Variants in COL23A1 observed in about 807,000 individuals in gnomAD.
The protein encoded by COL23A1 is collagen alpha-1(XXIII) chain.
A neutral mutation model predicts 99.3 loss-of-function variants in COL23A1; 97 were observed. That is an observed-to-expected ratio of 0.98 (90% CI 0.83 to 1.16). The LOEUF is 1.16. Ranked by LOEUF, COL23A1 falls within the 50% of genes most tolerant of loss-of-function variation. The probability of loss-of-function intolerance (pLI) is 0.00; values close to 1 mark genes in which losing one functional copy is unlikely to be tolerated. For synonymous variants in COL23A1, 320 were observed against 308.2 expected (o/e 1.04, Z -0.40); for missense variants, 762 against 757.4 (o/e 1.01, Z -0.07).
At chr5:178,456,764 A>G (rs1767820260) in intron 2 of COL23A1, among the ~76,000 whole-genome samples, 1 of 152,304 alleles carries the variant, frequency 6.6e-6, no homozygotes, top group South Asian at 2.1e-4. Context: ...ATAAAAACTG[A>G]AAGGCAAGTG....
At chr5:178,353,776 G>A (rs572699193) in intron 2 of COL23A1, among the ~76,000 whole-genome samples, 28 of 152,204 alleles carry the variant, frequency 1.8e-4, no homozygotes, top group African/African-American at 6.7e-4. Flanking sequence ...GACCCAGCAG[G>A]TCTACATCTA....
rs530049478 is a variant in COL23A1 at position 178,318,794 on chromosome 5, C to A, written c.362-11875G>T. Among the ~76,000 whole-genome samples, 56 of 151,512 alleles carry A rather than the reference C, an allele frequency of 3.7e-4. 1 individual carries two copies. In the East Asian group the frequency reaches 9.7e-3, roughly 26 times the overall value. ...GCGGGCGCCTGTAACTTCAGCTACT[C>A]GGGAGGCTGAGGCAGGAGAATTGCC... is the stretch of plus-strand genomic sequence containing the variant. On this transcript the variant is annotated intron_variant, in intron 2 of 28. Transcript: ENST00000390654.
At chr5:178,239,619 C>T (rs1764287440) in intron 27 of COL23A1, among the ~76,000 whole-genome samples, 1 of 61,018 alleles carries the variant, frequency 1.6e-5, no homozygotes, top group Admixed American at 1.4e-4. Context: ...CTGGGTCCTG[C>T]CGAGAGCCGT....
intron 2 of COL23A1, among the ~76,000 whole-genome samples, chr5:178,329,428 C>T (rs896089264): frequency 6.6e-6 from 1 of 152,196 alleles, no homozygotes; most frequent in East Asian, 1.9e-4. Context: ...CAGGCTCCCC[C>T]TGCCAGCCAG....
chr5:178,435,651 T>G (rs1280403285), intron 2 of COL23A1, among the ~76,000 whole-genome samples: 2 of 152,156 alleles, frequency 1.3e-5, no homozygotes, highest in African/African-American at 4.8e-5. Context: ...GCAGAATTTC[T>G]GATGAGGAAA....
At chr5:178,477,038 G>A (rs1032774494) in intron 2 of COL23A1, among the ~76,000 whole-genome samples, 10 of 152,138 alleles carry the variant, frequency 6.6e-5, no homozygotes, top group African/African-American at 2.4e-4. Context: ...CCTATAGTAG[G>A]GTTAACAGAA....
intron 1 of COL23A1, among the ~76,000 whole-genome samples, chr5:178,575,177 G>A (rs1313738379): frequency 1.4e-5 from 2 of 140,868 alleles, no homozygotes; most frequent in Non-Finnish European, 3.1e-5. Context: ...AAAGAAAAGT[G>A]TCCTCCTTTA....
intron 2 of COL23A1, among the ~76,000 whole-genome samples, chr5:178,358,146 ATGTG>A (rs765474140): frequency 1.5e-5 from 2 of 133,954 alleles, no homozygotes; most frequent in Non-Finnish European, 3.2e-5. Context: ...ATGTGTGTGT[ATGTG>A]TATGTGTGTA....
intron 3 of COL23A1, among the ~76,000 whole-genome samples, chr5:178,291,078 T>C (rs934443003): frequency 2.0e-5 from 3 of 152,198 alleles, no homozygotes; most frequent in Admixed American, 2.0e-4. Flanking sequence ...CAGCGACTTG[T>C]GTGGGGCCAC....
At chr5:178,277,933 C>G (rs995740582) in intron 5 of COL23A1, among the ~76,000 whole-genome samples, 1 of 152,112 alleles carries the variant, frequency 6.6e-6, no homozygotes, top group Non-Finnish European at 1.5e-5. Flanking sequence ...AGGATGGGAC[C>G]GGCGGGCCGG....
rs1034615934 is a variant in COL23A1, at chr5:178,340,270, C to T, written c.362-33351G>A. Among the ~76,000 whole-genome samples, 1 of 152,132 alleles carries T rather than the reference C, an allele frequency of 6.6e-6. No homozygotes were observed. Among genetic ancestry groups the T allele is most frequent in the Non-Finnish European group, 1.5e-5 (1 of 68,006 alleles). ...GGACACCTTTCTGACCAGCAATAAG[C>T]CTCACCAAAAAATGTGCTCATGTAA... On this transcript the variant is annotated intron_variant, in intron 2 of 28. Transcript: ENST00000390654. This position sits in a 1 kb window ranked among gnomAD's most constrained non-coding sequence, Gnocchi z 4.7.
intron 2 of COL23A1, among the ~76,000 whole-genome samples, chr5:178,447,091 T>C (rs1214597299): frequency 7.0e-6 from 1 of 142,870 alleles, no homozygotes; most frequent in Non-Finnish European, 1.5e-5. Flanking sequence ...ATTCTTTTTT[T>C]ATTATTATTT....
chr5:178,295,646 A>G (rs981732381), intron 3 of COL23A1, among the ~76,000 whole-genome samples: 1 of 152,248 alleles, frequency 6.6e-6, no homozygotes, highest in Non-Finnish European at 1.5e-5. Flanking sequence ...CAGCTATGTT[A>G]ACACATATGT....
In COL23A1 at chr5:178,255,625, G is replaced by A. The variant is rs1403990603; in HGVS notation, c.883-599C>T. On this transcript the variant is annotated intron_variant, in intron 15 of 28. Transcript: ENST00000390654. The surrounding 1 kb of genome is among the most constrained non-coding windows in gnomAD (Gnocchi z 4.2). ...GCTCTTTGCTTGGGGTACAGTGAAG[G>A]CTGGGGAGCACTTTGGTCCAGACCC... Among the ~76,000 whole-genome samples the A allele has an allele frequency of 2.6e-5, 4 of 152,170 alleles. No individual in the cohort carries two copies. The highest frequency in any genetic ancestry group is 1.5e-5 in the Non-Finnish European group (1 of 68,032).
intron 2 of COL23A1, among the ~76,000 whole-genome samples, chr5:178,342,901 C>A (rs963996554): frequency 1.3e-5 from 2 of 152,120 alleles, no homozygotes; most frequent in Non-Finnish European, 2.9e-5. Flanking sequence ...TAGAGAGATG[C>A]CTAAAAGTCC....
intron 12 of COL23A1, among the ~76,000 whole-genome samples, chr5:178,258,913 CTTT>C (rs35156759): frequency 5.1e-5 from 6 of 117,572 alleles, no homozygotes; most frequent in Admixed American, 1.7e-4. Flanking sequence ...CCAGGGTGGT[CTTT>C]TTTTTTTTTT....
At chr5:178,505,017 C>T (rs971479687) in intron 2 of COL23A1, among the ~76,000 whole-genome samples, 3 of 152,094 alleles carry the variant, frequency 2.0e-5, no homozygotes, top group African/African-American at 7.2e-5. Context: ...TTCCACAGAC[C>T]GGTTTAAAGC....
At chr5:178,572,185 A>G (rs1026116431) in intron 1 of COL23A1, among the ~76,000 whole-genome samples, 1 of 152,106 alleles carries the variant, frequency 6.6e-6, no homozygotes, top group Non-Finnish European at 1.5e-5. Flanking sequence ...AGAAAAGATT[A>G]TAAACTAGAA....
chr5:178,450,729 G>GA (rs1767440501), intron 2 of COL23A1, among the ~76,000 whole-genome samples: 1 of 152,184 alleles, frequency 6.6e-6, no homozygotes, highest in East Asian at 1.9e-4. Flanking sequence ...CCATGCAGTA[G>GA]ACTAGGTGCT....
Sources: allele counts gnomAD v4.1 joint callset (sites outside exome capture counted in the v4.1 genomes callset), GRCh38; gene constraint gnomAD v4.1.1; non-coding constraint Gnocchi (gnomAD v3.1); transcripts MANE v1.5; gene names NCBI Gene and HGNC (gene_info 2026-07-23, HGNC 2026-07-21).